The following EPHA3 variants were observed in gnomAD, a reference collection of about 807,000 sequenced individuals.
EPHA3 encodes the protein ephrin type-A receptor 3.
EPHA3 carries 42 observed loss-of-function variants against 107.1 expected under a neutral mutation model. The ratio of observed to expected loss-of-function variants is 0.39; its 90% CI spans 0.31 to 0.51. The LOEUF (loss-of-function observed/expected upper bound fraction) is 0.51. Ranked by LOEUF, EPHA3 falls within the 20% of genes least tolerant of loss-of-function variation. EPHA3 has a pLI of 0.78. For synonymous variants in EPHA3, 461 were observed against 424.8 expected (o/e 1.09, Z -1.05); for missense variants, 1,183 against 1,211.2 (o/e 0.98, Z 0.35).
Position 89,164,646 on chromosome 3 carries a change from T to A in EPHA3, c.153+37373T>A, listed in dbSNP as rs1576196897. 2.6e-5 allele frequency among the ~76,000 whole-genome samples: 4 copies of A among 152,264 alleles called. No homozygotes were observed. The South Asian group carries it at 8.3e-4, about 32-fold the overall frequency. ...CACAAAATTCTAGATGCCTTCATGA[T>A]CCTTTTCTTTTATGGAGAAAAAAGA... On this transcript the variant is annotated intron_variant, in intron 2 of 16. Coordinates refer to ENST00000336596, the MANE Select transcript of EPHA3 (RefSeq NM_005233.6).
In EPHA3 at chr3:89,246,791, A is replaced by T. The variant is rs75798420; in HGVS notation, c.814+36271A>T. Among the ~76,000 whole-genome samples, 1,022 of 152,296 alleles carry T rather than the reference A, an allele frequency of 6.7e-3. 11 individuals carry two copies. The highest frequency in any genetic ancestry group is 0.024 in the African/African-American group (989 of 41,566). ...TTTCAGATATTCATTGCTAACATTT[A>T]CATTATTTAAATCTTTTTTTTTATT... On this transcript the variant is annotated intron_variant, in intron 3 of 16. Coordinates refer to ENST00000336596, the MANE Select transcript of EPHA3 (RefSeq NM_005233.6).
At chr3:89,138,561 T>G (rs375401071) in intron 2 of EPHA3, among the ~76,000 whole-genome samples, 17 of 152,002 alleles carry the variant, frequency 1.1e-4, no homozygotes, top group East Asian at 9.7e-4. Flanking sequence ...CAGACTGTGA[T>G]GAATTTTGTG....
chr3:89,151,608 T>C (rs900704170), intron 2 of EPHA3, among the ~76,000 whole-genome samples: 15 of 152,046 alleles, frequency 9.9e-5, no homozygotes, highest in Non-Finnish European at 2.1e-4. Flanking sequence ...TTCAGTACTG[T>C]TTATACAAGA....
At chr3:89,477,815 G>A (rs1273323415) in intron 16 of EPHA3, among the ~76,000 whole-genome samples, 1 of 149,500 alleles carries the variant, frequency 6.7e-6, no homozygotes, top group Non-Finnish European at 1.5e-5. Flanking sequence ...GTTGCTGTTG[G>A]TAAACAGAGT....
intron 2 of EPHA3, among the ~76,000 whole-genome samples, chr3:89,155,685 A>G (rs1704787637): frequency 6.6e-6 from 1 of 152,136 alleles, no homozygotes; most frequent in Non-Finnish European, 1.5e-5. Context: ...TTTTACAATT[A>G]CGTTTTAATA....
chr3:89,266,700 C>A (rs1576276840), intron 3 of EPHA3, among the ~76,000 whole-genome samples: 1 of 151,676 alleles, frequency 6.6e-6, no homozygotes, highest in Admixed American at 6.6e-5. Flanking sequence ...TTTTTATGTT[C>A]TCCTTTGATC....
chr3:89,225,670 C>A (rs1162791699), intron 3 of EPHA3, among the ~76,000 whole-genome samples: 3 of 152,172 alleles, frequency 2.0e-5, no homozygotes, highest in African/African-American at 7.2e-5. Flanking sequence ...GTTCTTTACA[C>A]TTTCAGGAAC....
chr3:89,200,318 A>T (rs1183126193), intron 2 of EPHA3, among the ~76,000 whole-genome samples: 3 of 152,200 alleles, frequency 2.0e-5, no homozygotes, highest in Non-Finnish European at 4.4e-5. Flanking sequence ...ATTCTGAAAT[A>T]TGTTTTGGTA....
At chr3:89,194,864 C>G (rs1705800426) in intron 2 of EPHA3, among the ~76,000 whole-genome samples, 1 of 151,916 alleles carries the variant, frequency 6.6e-6, no homozygotes, top group Non-Finnish European at 1.5e-5. Flanking sequence ...CAGTATATAC[C>G]ATGCCGAACT....
In EPHA3 at chr3:89,142,415, C is replaced by G. The variant is rs565100235; in HGVS notation, c.153+15142C>G. Among the ~76,000 whole-genome samples the G allele has an allele frequency of 9.6e-4, 145 of 151,446 alleles. 1 individual carries two copies. In the Middle Eastern group the frequency reaches 0.01, roughly 11 times the overall value. ...GCTGTAAATAAACAGAGCATGAAAC[C>G]TCTCAAGGCACTTATAAGTAAATGA... is the stretch of plus-strand genomic sequence containing the variant. On this transcript the variant is annotated intron_variant, in intron 2 of 16. Coordinates refer to ENST00000336596, the MANE Select transcript of EPHA3 (RefSeq NM_005233.6).
At chr3:89,141,878 A>G (rs1293140897) in intron 2 of EPHA3, among the ~76,000 whole-genome samples, 2 of 151,370 alleles carry the variant, frequency 1.3e-5, no homozygotes, top group East Asian at 1.9e-4. Context: ...CATGGCCCCT[A>G]TATTATAAAT....
At chr3:89,355,094 A>G (rs1485518621) in intron 5 of EPHA3, among the ~76,000 whole-genome samples, 1 of 150,208 alleles carries the variant, frequency 6.7e-6, no homozygotes, top group African/African-American at 2.5e-5. Context: ...TTTCAATTGG[A>G]AAAAAAATAA....
At chr3:89,180,305 A>ATTT (rs35613113) in intron 2 of EPHA3, among the ~76,000 whole-genome samples, 50 of 150,014 alleles carry the variant, frequency 3.3e-4, no homozygotes, top group Admixed American at 1.9e-3. Context: ...TCCAAATCTG[A>ATTT]TTTTTTTTTT....
intron 12 of EPHA3, among the ~76,000 whole-genome samples, chr3:89,430,749 T>A (rs1025487221): frequency 6.6e-6 from 1 of 152,130 alleles, no homozygotes; most frequent in East Asian, 1.9e-4. Context: ...ATTCATAAAA[T>A]ATCAGGAAAC....
intron 3 of EPHA3, among the ~76,000 whole-genome samples, chr3:89,250,075 T>C (rs1705126341): frequency 1.3e-5 from 2 of 152,194 alleles, no homozygotes; most frequent in Admixed American, 6.5e-5. Context: ...ACCTGGACAA[T>C]TTCCAGTTTT....
In EPHA3 at chr3:89,434,259, C is replaced by T. The variant is rs139927302; in HGVS notation, c.2346+2900C>T. Reference sequence around the variant, plus strand: ...TTGAGACAGAGCCTCACGTTGTCTCCCATGCTGGAGTGCAGTGGCGCAGTG... The same window carrying T: ...TTGAGACAGAGCCTCACGTTGTCTCTCATGCTGGAGTGCAGTGGCGCAGTG... On this transcript the variant is annotated intron_variant, in intron 13 of 16. Transcript: ENST00000336596. 6.2e-4 allele frequency among the ~76,000 whole-genome samples: 95 copies of T among 152,018 alleles called. 1 individual carries two copies. The highest frequency in any genetic ancestry group is 2.1e-3 in the African/African-American group (89 of 41,466).
chr3:89,194,930 C>T (rs954103008), intron 2 of EPHA3, among the ~76,000 whole-genome samples: 2 of 152,002 alleles, frequency 1.3e-5, no homozygotes, highest in African/African-American at 2.4e-5. Flanking sequence ...AGAGCAATTT[C>T]GATAATACAG....
In EPHA3 at chr3:89,227,096, T is replaced by C. The variant is rs1345037903; in HGVS notation, c.814+16576T>C. ...TACTCAGGTGTCCATCAATATTATA[T>C]GCAAACGTTCAGTCAGGTATATAAT... is the stretch of plus-strand genomic sequence containing the variant. On this transcript the variant is annotated intron_variant, in intron 3 of 16. Transcript: ENST00000336596. Among the ~76,000 whole-genome samples, 10 of 152,224 alleles carry C rather than the reference T, an allele frequency of 6.6e-5. 1 individual carries two copies. In the South Asian group the frequency reaches 2.1e-3, roughly 32 times the overall value.
chr3:89,266,216 A>G (rs1705535540), intron 3 of EPHA3, among the ~76,000 whole-genome samples: 1 of 152,170 alleles, frequency 6.6e-6, no homozygotes. Flanking sequence ...TTCATTTTAT[A>G]GATAAAGAAA....
Sources: allele counts gnomAD v4.1 joint callset (sites outside exome capture counted in the v4.1 genomes callset), GRCh38; gene constraint gnomAD v4.1.1; transcripts MANE v1.5; gene names NCBI Gene and HGNC (gene_info 2026-07-23, HGNC 2026-07-21).